The following KCNT2 variants were observed in gnomAD, a reference collection of about 807,000 sequenced individuals.
KCNT2 encodes potassium sodium-activated channel subfamily T member 2.
KCNT2 carries 67 observed loss-of-function variants against 153.8 expected under a neutral mutation model. The observed-to-expected ratio is 0.44, with a 90% confidence interval of 0.36 to 0.53. The LOEUF (loss-of-function observed/expected upper bound fraction) is 0.53. KCNT2 is among the 20% of genes least tolerant of loss of function. The pLI is 0.00. For missense variants in KCNT2, 975 were observed against 1,354.8 expected (o/e 0.72, Z 4.40); for synonymous variants, 500 against 458.8 (o/e 1.09, Z -1.15).
At chr1:196,467,450 C>T (rs1677720766) in intron 7 of KCNT2, among the ~76,000 whole-genome samples, 1 of 151,786 alleles carries the variant, frequency 6.6e-6, no homozygotes, top group Admixed American at 6.6e-5. Context: ...CACAATGACT[C>T]ATTAAAAAAA....
intron 1 of KCNT2, among the ~76,000 whole-genome samples, chr1:196,587,182 T>C (rs1558109345): frequency 6.6e-6 from 1 of 152,202 alleles, no homozygotes. Context: ...TAACAACATA[T>C]TGATGACTTC....
At chr1:196,236,413 CA>C (rs1294045054) in intron 26 of KCNT2, among the ~76,000 whole-genome samples, 19 of 151,382 alleles carry the variant, frequency 1.3e-4, no homozygotes, top group African/African-American at 4.3e-4. Context: ...TTATCAATTA[CA>C]AAAAATAATC....
intron 13 of KCNT2, among the ~76,000 whole-genome samples, chr1:196,382,215 C>G (rs1454913991): frequency 1.3e-5 from 2 of 152,096 alleles, no homozygotes; most frequent in African/African-American, 4.8e-5. Context: ...TCTCCTGCCT[C>G]AGCCTCCTGA....
At chr1:196,260,663 G>C (rs1458556712) in intron 25 of KCNT2, among the ~76,000 whole-genome samples, 1 of 151,694 alleles carries the variant, frequency 6.6e-6, no homozygotes, top group Non-Finnish European at 1.5e-5. Context: ...CACATCAATT[G>C]CTCTTTACAT....
At chr1:196,479,320 T>A in intron 4 of KCNT2, 82 bp from the exon 5 acceptor site, 1 of 782,906 alleles carries the variant, frequency 1.3e-6, no homozygotes, top group Non-Finnish European at 2.1e-6. Flanking sequence ...TAACTTTATT[T>A]AAATATATGT....
chr1:196,243,228 T>G (rs1655115767), intron 26 of KCNT2, among the ~76,000 whole-genome samples: 1 of 152,200 alleles, frequency 6.6e-6, no homozygotes, highest in African/African-American at 2.4e-5. Context: ...CACTCTAGCT[T>G]TCTTCTTTTC....
intron 12 of KCNT2, among the ~76,000 whole-genome samples, chr1:196,404,676 A>T (rs1384243083): frequency 6.6e-6 from 1 of 151,440 alleles, no homozygotes; most frequent in East Asian, 1.9e-4. Flanking sequence ...ACTTGATCCC[A>T]TTGTATTCTG....
chr1:196,273,566 T>A, intron 25 of KCNT2: 2 of 1,025,524 alleles, frequency 2.0e-6, no homozygotes, highest in Non-Finnish European at 2.9e-6. Context: ...ATGCCAACAA[T>A]CAGTAACAAG....
chr1:196,386,138 C>T (rs1467739952), intron 13 of KCNT2, among the ~76,000 whole-genome samples: 1 of 152,070 alleles, frequency 6.6e-6, no homozygotes, highest in African/African-American at 2.4e-5. Flanking sequence ...TAGCCAGCAC[C>T]AACTTGGGAG....
chr1:196,555,809 G>A (rs1006811159), intron 1 of KCNT2, among the ~76,000 whole-genome samples: 1 of 151,106 alleles, frequency 6.6e-6, no homozygotes, highest in Non-Finnish European at 1.5e-5. Context: ...CAGACACACA[G>A]ACCAATGGAA....
chr1:196,318,793 T>C (rs1662994066), intron 20 of KCNT2, among the ~76,000 whole-genome samples: 1 of 151,842 alleles, frequency 6.6e-6, no homozygotes, highest in African/African-American at 2.4e-5. Context: ...ATCTACAGGA[T>C]AAAATGTAAG....
intron 9 of KCNT2, 54 bp downstream of exon 9, chr1:196,429,523 A>T: frequency 8.6e-7 from 1 of 1,167,748 alleles, no homozygotes; most frequent in South Asian, 1.9e-5. Flanking sequence ...AATGTGGAGG[A>T]TTCAATTTCA....
At chr1:196,512,798 C>A (rs1681741667) in intron 1 of KCNT2, among the ~76,000 whole-genome samples, 1 of 152,106 alleles carries the variant, frequency 6.6e-6, no homozygotes, top group Admixed American at 6.6e-5. Context: ...TGAACTCCAT[C>A]CATTTATCAA....
At chr1:196,472,606 A>G (rs1391372993) in intron 5 of KCNT2, among the ~76,000 whole-genome samples, 2 of 152,190 alleles carry the variant, frequency 1.3e-5, no homozygotes, top group African/African-American at 4.8e-5. Context: ...CAGCGCCTCT[A>G]AAGCACTTTA....
chr1:196,458,294 ATTAT>A (rs1245704485), intron 8 of KCNT2, among the ~76,000 whole-genome samples: 1 of 151,882 alleles, frequency 6.6e-6, no homozygotes, highest in Admixed American at 6.6e-5. Context: ...TTCAATATTA[ATTAT>A]TTCTTTTATA....
chr1:196,319,622 GAAGT>G, intron 19 of KCNT2, 67 bp from the exon 20 acceptor site: 1 of 994,640 alleles, frequency 1.0e-6, no homozygotes, highest in Admixed American at 2.0e-5. Flanking sequence ...CTAGGGAAAG[GAAGT>G]AAGTTGACTT....
At chr1:196,386,753 AAGGATTT>A (rs1469054016) in intron 13 of KCNT2, among the ~76,000 whole-genome samples, 1 of 152,058 alleles carries the variant, frequency 6.6e-6, no homozygotes, top group Admixed American at 6.6e-5. Context: ...CGTTCTCAAG[AAGGATTT>A]AGCTATTGAC....
At chr1:196,543,699 C>T (rs185898592) in intron 1 of KCNT2, among the ~76,000 whole-genome samples, 458 of 152,182 alleles carry the variant, frequency 3.0e-3, no homozygotes, top group Non-Finnish European at 4.2e-3. Context: ...AAATTAAACA[C>T]ATTACACACT....
rs566738181 is a variant in KCNT2, at chr1:196,417,790, G to A, written c.1185+5260C>T. Among the ~76,000 whole-genome samples the A allele has an allele frequency of 4.6e-5, 7 of 152,144 alleles. 1 individual carries two copies. In the South Asian group the frequency reaches 8.3e-4, roughly 18 times the overall value. On this transcript the variant is annotated intron_variant, in intron 12 of 27. Transcript: ENST00000294725. ...AAACCTAAATGGTACAGCCTAGTATGTACTAGGCTATAGGGTATAACCTAT... is the reference window on the plus strand; with the variant it reads ...AAACCTAAATGGTACAGCCTAGTATATACTAGGCTATAGGGTATAACCTAT...
Sources: gnomAD v4.1 joint callset for allele counts (sites outside exome capture counted in the v4.1 genomes callset) on GRCh38, gnomAD v4.1.1 for gene constraint, MANE v1.5 for transcripts, NCBI Gene and HGNC (gene_info 2026-07-23, HGNC 2026-07-21) for gene names.